Variants in SFMBT1 observed in about 807,000 individuals in gnomAD.
SFMBT1 encodes the protein scm-like with four MBT domains protein 1.
In SFMBT1, 32 loss-of-function variants were observed where a neutral mutation model predicts 108.7. The observed-to-expected ratio is 0.29, with a 90% CI of 0.22 to 0.40. SFMBT1 has a LOEUF of 0.40. SFMBT1 is among the 10% of genes least tolerant of loss of function. The pLI, the probability that SFMBT1 is intolerant of heterozygous loss-of-function variation, is 1.00. For synonymous variants in SFMBT1, 348 were observed against 369.5 expected, an observed-to-expected ratio of 0.94 and a Z score of 0.67; for missense variants, 816 against 1,059.6, an observed-to-expected ratio of 0.77 and a Z score of 3.19.
intron 9 of SFMBT1, among the ~76,000 whole-genome samples, chr3:52,926,349 T>C (rs758678283): frequency 1.2e-4 from 18 of 152,220 alleles, no homozygotes; most frequent in Non-Finnish European, 2.4e-4. Context: ...TTGTAAACTT[T>C]CAAATTTCAA....
intron 4 of SFMBT1, among the ~76,000 whole-genome samples, chr3:52,941,457 G>C (rs1703178271): frequency 6.6e-6 from 1 of 151,978 alleles, no homozygotes; most frequent in Non-Finnish European, 1.5e-5. Context: ...AGCTGGGTGT[G>C]GTGGCGGGTG....
chr3:52,973,567 G>GT (rs955703190), intron 1 of SFMBT1, among the ~76,000 whole-genome samples: 9 of 152,006 alleles, frequency 5.9e-5, no homozygotes, highest in Non-Finnish European at 1.2e-4. Flanking sequence ...ATTTTAACAG[G>GT]TTTTTTTGAA....
chr3:52,928,858 C>A (rs964987778), intron 8 of SFMBT1, among the ~76,000 whole-genome samples: 1 of 151,614 alleles, frequency 6.6e-6, no homozygotes, highest in East Asian at 1.9e-4. Flanking sequence ...CATGCACCAC[C>A]ATGCCCAGCT....
intron 3 of SFMBT1, among the ~76,000 whole-genome samples, chr3:52,950,505 C>T (rs1180447979): frequency 4.6e-5 from 7 of 152,034 alleles, no homozygotes; most frequent in Non-Finnish European, 8.8e-5. Context: ...GATGGAGTCT[C>T]GCTCTGTTGC....
intron 17 of SFMBT1, 65 bp from the exon 18 acceptor site, chr3:52,907,798 G>A (rs1335125940): frequency 1.4e-6 from 2 of 1,442,870 alleles, no homozygotes; most frequent in African/African-American, 2.9e-5. Context: ...AAAACCACAA[G>A]AGATTTTATT....
chr3:53,031,595 G>T (rs1699688579), intron 1 of SFMBT1, among the ~76,000 whole-genome samples: 1 of 59,466 alleles, frequency 1.7e-5, no homozygotes, highest in Admixed American at 1.8e-4. Context: ...CTATAACACT[G>T]TAAAAAAAAA....
At chr3:52,977,077 G>A in intron 1 of SFMBT1, among the ~76,000 whole-genome samples, 1 of 152,118 alleles carries the variant, frequency 6.6e-6, no homozygotes, top group East Asian at 1.9e-4. Context: ...AATATCCTGA[G>A]ACAACAAGCA....
In SFMBT1 at chr3:53,046,021, CGCGCTCCGGCGGAGGCGGCGGCG is replaced by C. The variant is rs927195475; in HGVS notation, c.-359_-337del. 2 of 151,594 alleles carry C rather than the reference CGCGCTCCGGCGGAGGCGGCGGCG, an allele frequency of 1.3e-5. No homozygotes were observed. The highest frequency in any genetic ancestry group is 4.8e-5 in the African/African-American group (2 of 41,292). 9.4% of individuals were successfully genotyped at this position (151,594 alleles called of 1,614,324 possible). The stretch of plus-strand genomic sequence containing the variant: ...GCAGCTCTCCCCGCCCCCCTCCACC[CGCGCTCCGGCGGAGGCGGCGGCG>C]GCGCTCCGCGCTCCGACTCATTCCA... On this transcript the variant is annotated 5_prime_UTR_variant, in exon 1 of 21. The change abolishes the stop of an existing upstream ORF in the 5' untranslated region. Transcript: ENST00000394752.
chr3:53,013,704 C>CTG (rs1426541309), intron 1 of SFMBT1, among the ~76,000 whole-genome samples: 1 of 132,880 alleles, frequency 7.5e-6, no homozygotes, highest in African/African-American at 3.0e-5. Flanking sequence ...TCTCAGCTCA[C>CTG]TGCAACCTCC....
intron 2 of SFMBT1, among the ~76,000 whole-genome samples, chr3:52,955,630 T>C (rs577474360): frequency 1.3e-5 from 2 of 152,104 alleles, no homozygotes; most frequent in African/African-American, 2.4e-5. Context: ...CCTGGACACA[T>C]ACACCCTCCC....
chr3:52,985,903 G>A (rs954447257), intron 1 of SFMBT1, among the ~76,000 whole-genome samples: 9 of 152,192 alleles, frequency 5.9e-5, no homozygotes, highest in African/African-American at 2.2e-4. Flanking sequence ...AGCACTTTGG[G>A]AGGCCAAGGT....
At chr3:52,907,387 T>A (rs942585195) in intron 18 of SFMBT1, 73 bp from the exon 19 acceptor site, 21 of 1,532,750 alleles carry the variant, frequency 1.4e-5, no homozygotes, top group African/African-American at 2.8e-5. Flanking sequence ...TAAAAAAAAA[T>A]AATAAAGAAA....
chr3:52,948,477 A>C (rs1481277447), intron 3 of SFMBT1, among the ~76,000 whole-genome samples: 162 of 152,162 alleles, frequency 1.1e-3, no homozygotes, highest in Non-Finnish European at 2.2e-4. Context: ...GTACTTTTTG[A>C]AATTTAATTT....
intron 1 of SFMBT1, among the ~76,000 whole-genome samples, chr3:53,026,066 T>C (rs1699480482): frequency 6.6e-6 from 1 of 152,208 alleles, no homozygotes; most frequent in African/African-American, 2.4e-5. Context: ...ATGCAACTGA[T>C]CACTTTACAG....
intron 15 of SFMBT1, 92 bp downstream of exon 15, chr3:52,913,386 G>A (rs984665422): frequency 2.7e-6 from 4 of 1,460,922 alleles, no homozygotes; most frequent in Non-Finnish European, 3.7e-6. Flanking sequence ...ACCTAGAACT[G>A]TCACATCTAT....
At chr3:52,919,265 A>C (rs1228608810) in intron 12 of SFMBT1, among the ~76,000 whole-genome samples, 1 of 151,696 alleles carries the variant, frequency 6.6e-6, no homozygotes, top group Non-Finnish European at 1.5e-5. Flanking sequence ...CAAAAAATGG[A>C]AACAATTCAA....
intron 2 of SFMBT1, among the ~76,000 whole-genome samples, chr3:52,967,601 C>T (rs994524518): frequency 1.3e-5 from 2 of 151,908 alleles, no homozygotes; most frequent in African/African-American, 4.8e-5. Context: ...TTTTGAAAAA[C>T]CTCAACAAAA....
intron 1 of SFMBT1, among the ~76,000 whole-genome samples, chr3:53,027,632 G>A (rs1699540102): frequency 6.6e-6 from 1 of 152,178 alleles, no homozygotes; most frequent in Admixed American, 6.5e-5. Context: ...TGCCCCAGAG[G>A]TCAGCTATTT....
At position 52,934,877 on chromosome 3, in the gene SFMBT1, C is replaced by A; in HGVS notation, c.389G>T (p.Trp130Leu). 6.2e-7 allele frequency: 1 copy of A among 1,613,350 alleles called. No homozygotes were observed. Among genetic ancestry groups the A allele is most frequent in the Non-Finnish European group, 8.5e-7 (1 of 1,179,656 alleles). ...PEGIRDKVSDWDEFLRQTLIG... is the reference protein window; with the variant it reads ...PEGIRDKVSDLDEFLRQTLIG... ...CAGGGTCTGCCGCAGAAACTCATCC[C>A]AGTCAGATACTTTATCTCTGATGCC... is the stretch of plus-strand genomic sequence containing the variant. Residue 130 changes from tryptophan (W) to leucine (L), a missense_variant, in exon 5 of 21, where the codon TGG (tryptophan) becomes TTG (leucine). By Grantham distance (61) the Trp-to-Leu change is moderately conservative (BLOSUM62 -2). Around this residue, in one of 5 missense-constraint regions of SFMBT1, gnomAD observed 495 missense variants for 607.4 expected, o/e 0.81. Transcript: ENST00000394752.
Sources: allele counts gnomAD v4.1 joint callset (sites outside exome capture counted in the v4.1 genomes callset), GRCh38; gene constraint gnomAD v4.1.1; regional missense constraint gnomAD v4.1.1; transcripts MANE v1.5; gene names NCBI Gene and HGNC (gene_info 2026-07-23, HGNC 2026-07-21).